RBFOX1: variants seen among roughly 807,000 people sequenced by gnomAD.
RBFOX1 encodes the protein RNA binding fox-1 homolog 1.
In RBFOX1, 8 loss-of-function variants were observed where a neutral mutation model predicts 57.7. The ratio of observed to expected loss-of-function variants is 0.14; its 90% CI spans 0.08 to 0.25. The LOEUF (loss-of-function observed/expected upper bound fraction) is 0.25. Among genes scored for constraint, RBFOX1 ranks in the 10% least tolerant of loss-of-function variants. The pLI, the probability that RBFOX1 is intolerant of heterozygous loss-of-function variation, is 1.00. For missense variants in RBFOX1, 611 were observed against 548.5 expected (o/e 1.11, Z -1.14); for synonymous variants, 326 against 222.4 (o/e 1.47, Z -4.15).
chr16:6,913,586 T>C (rs2072291105), intron 3 of RBFOX1, among the ~76,000 whole-genome samples: 1 of 152,114 alleles, frequency 6.6e-6, no homozygotes, highest in Non-Finnish European at 1.5e-5. Context: ...TATAAGTCGG[T>C]AGCATCCCCA....
At chr16:6,186,813 C>T (rs1254525047) in intron 1 of RBFOX1, among the ~76,000 whole-genome samples, 3 of 152,110 alleles carry the variant, frequency 2.0e-5, no homozygotes, top group Non-Finnish European at 4.4e-5. Flanking sequence ...GAGGTCAATC[C>T]TCCATGTGGG....
At chr16:7,109,294 C>A (rs983758028) in intron 4 of RBFOX1, among the ~76,000 whole-genome samples, 1 of 152,126 alleles carries the variant, frequency 6.6e-6, no homozygotes, top group South Asian at 2.1e-4. Context: ...TATTCTGTCC[C>A]CCTTCTCCCT....
chr16:6,897,519 T>C (rs1567772430), intron 3 of RBFOX1, among the ~76,000 whole-genome samples: 2 of 152,188 alleles, frequency 1.3e-5, no homozygotes, highest in Non-Finnish European at 2.9e-5. Flanking sequence ...CCAGGTTGGG[T>C]GCAGTGGCTC....
chr16:5,760,021 A>AC (rs1491536500), intron 3 of RBFOX1, among the ~76,000 whole-genome samples: 4 of 152,086 alleles, frequency 2.6e-5, no homozygotes, highest in East Asian at 3.9e-4. Flanking sequence ...AAAAAAAAAA[A>AC]ACCTTGTATT....
At chr16:6,909,234 A>T (rs545368083) in intron 3 of RBFOX1, among the ~76,000 whole-genome samples, 28 of 152,140 alleles carry the variant, frequency 1.8e-4, no homozygotes, top group African/African-American at 6.5e-4. Context: ...CCCAGATTAC[A>T]TGGCTCATGG....
At chr16:6,715,865 A>G (rs1024048632) in intron 3 of RBFOX1, among the ~76,000 whole-genome samples, 9 of 152,230 alleles carry the variant, frequency 5.9e-5, no homozygotes, top group Non-Finnish European at 4.4e-5. Context: ...TTCTTAGGGT[A>G]TGAAGCCCCT....
chr16:6,949,845 A>C (rs1418582385), intron 3 of RBFOX1, among the ~76,000 whole-genome samples: 1 of 152,058 alleles, frequency 6.6e-6, no homozygotes, highest in African/African-American at 2.4e-5. Context: ...TCACCCGGAC[A>C]GAATGCAATT....
At chr16:6,609,684 A>C (rs2098011334) in intron 2 of RBFOX1, among the ~76,000 whole-genome samples, 1 of 152,180 alleles carries the variant, frequency 6.6e-6, no homozygotes, top group South Asian at 2.1e-4. Flanking sequence ...CAGATGGTTC[A>C]GTGTTTCCTT....
intron 3 of RBFOX1, among the ~76,000 whole-genome samples, chr16:5,795,286 G>T (rs943990709): frequency 6.6e-6 from 1 of 151,594 alleles, no homozygotes; most frequent in Non-Finnish European, 1.5e-5. Context: ...CCACCTTATT[G>T]TCTTCCACTT....
intron 1 of RBFOX1, among the ~76,000 whole-genome samples, chr16:5,423,457 C>G (rs1232418152): frequency 1.3e-5 from 2 of 152,174 alleles, no homozygotes; most frequent in African/African-American, 4.8e-5. Flanking sequence ...TCCCTTTATC[C>G]TGGCTCCCTA....
At chr16:5,424,295 C>T (rs935378501) in intron 1 of RBFOX1, among the ~76,000 whole-genome samples, 1 of 152,198 alleles carries the variant, frequency 6.6e-6, no homozygotes, top group South Asian at 2.1e-4. Flanking sequence ...ATAACTTGCC[C>T]ATGCAGGTTT....
At chr16:6,776,605 A>G (rs530602537) in intron 3 of RBFOX1, among the ~76,000 whole-genome samples, 2 of 152,096 alleles carry the variant, frequency 1.3e-5, no homozygotes, top group Non-Finnish European at 2.9e-5. Flanking sequence ...GAGCCTCTCT[A>G]TGTGGGGAGA....
chr16:6,536,568 C>G (rs1228943092), intron 2 of RBFOX1, among the ~76,000 whole-genome samples: 5 of 142,404 alleles, frequency 3.5e-5, no homozygotes, highest in Middle Eastern at 3.6e-3. Flanking sequence ...TTTTTTTTTT[C>G]TTTCTAATTT....
At chr16:5,394,465 C>T (rs4786029) in intron 1 of RBFOX1, among the ~76,000 whole-genome samples, 7,505 of 152,114 alleles carry the variant, frequency 0.049, 250 homozygotes, top group East Asian at 0.11. Context: ...TCTGGCTCTT[C>T]GCTTTTGGAC....
chr16:7,240,123 C>T (rs770635613), intron 4 of RBFOX1, among the ~76,000 whole-genome samples: 10 of 152,130 alleles, frequency 6.6e-5, no homozygotes, highest in African/African-American at 9.7e-5. Flanking sequence ...CCCGCCACCA[C>T]GCCTGGCTAA....
intron 3 of RBFOX1, among the ~76,000 whole-genome samples, chr16:5,641,433 G>C (rs1199053780): frequency 6.6e-6 from 1 of 152,242 alleles, no homozygotes; most frequent in African/African-American, 2.4e-5. Flanking sequence ...TGCAAAGCAG[G>C]CTGAGGGGAG....
At chr16:6,307,389 A>G (rs1270968318) in intron 1 of RBFOX1, among the ~76,000 whole-genome samples, 2 of 147,044 alleles carry the variant, frequency 1.4e-5, no homozygotes, top group Non-Finnish European at 2.9e-5. Flanking sequence ...TTAAAAATAA[A>G]AAAAACATCA....
chr16:7,591,473 G>C (rs2094440545), intron 7 of RBFOX1, among the ~76,000 whole-genome samples: 1 of 152,116 alleles, frequency 6.6e-6, no homozygotes, highest in Non-Finnish European at 1.5e-5. Context: ...GATGAAAAAA[G>C]AACAATAACT....
intron 1 of RBFOX1, among the ~76,000 whole-genome samples, chr16:5,335,474 A>G (rs2064872518): frequency 6.6e-6 from 1 of 152,202 alleles, no homozygotes; most frequent in East Asian, 1.9e-4. Context: ...TCCATTGCAC[A>G]TGAGTGACCA....
Sources: gnomAD v4.1 joint callset for allele counts (sites outside exome capture counted in the v4.1 genomes callset) on GRCh38, gnomAD v4.1.1 for gene constraint, MANE v1.5 for transcripts, NCBI Gene and HGNC (gene_info 2026-07-23, HGNC 2026-07-21) for gene names.